Variants in TBC1D9B observed in about 807,000 individuals in gnomAD.
TBC1D9B encodes the protein TBC1 domain family member 9B, also known as TBC1 domain family, member 9B (with GRAM domain).
In TBC1D9B, 87 loss-of-function variants were observed where a neutral mutation model predicts 121.1. The ratio of observed to expected loss-of-function variants is 0.72; its 90% CI spans 0.60 to 0.86. The LOEUF (loss-of-function observed/expected upper bound fraction) is 0.86, where lower values mean the gene tolerates loss of function less well. Among genes scored for constraint, TBC1D9B ranks in the 40% least tolerant of loss-of-function variants. The pLI, the probability that TBC1D9B is intolerant of heterozygous loss-of-function variation, is 0.00. For synonymous variants in TBC1D9B, 668 were observed against 670.1 expected (o/e 1.00, Z 0.05); for missense variants, 1,540 against 1,628.6 (o/e 0.95, Z 0.94).
At chr5:179,873,314 G>A in intron 12 of TBC1D9B, 66 bp from the exon 13 acceptor site, 1 of 1,490,530 alleles carries the variant, frequency 6.7e-7, no homozygotes, top group Non-Finnish European at 8.9e-7. Flanking sequence ...TCCCACAGCT[G>A]GGTGATGCGG....
At position 179,885,140 on chromosome 5, in the gene TBC1D9B, C is replaced by T. The variant is rs1289536705; in HGVS notation, c.1254+2963G>A. Among the ~76,000 whole-genome samples the T allele has an allele frequency of 1.3e-5, 2 of 152,118 alleles. No homozygotes were observed. Among genetic ancestry groups the T allele is most frequent in the African/African-American group, 2.4e-5 (1 of 41,408 alleles). On this transcript the variant is annotated intron_variant, in intron 7 of 20. Coordinates refer to ENST00000355235, the MANE Select transcript of TBC1D9B (RefSeq NM_015043.4). The surrounding 1 kb of genome is among the most constrained non-coding windows in gnomAD (Gnocchi z 4.5). ...CTTGCCACTCTCTAGTCCAGCACTG[C>T]CCAAGAGAGATGATGAGAGCCACAA...
chr5:179,905,937 T>G (rs1446030015), intron 1 of TBC1D9B, among the ~76,000 whole-genome samples: 1 of 152,250 alleles, frequency 6.6e-6, no homozygotes, highest in Admixed American at 6.5e-5. Context: ...TGGAGTGCAA[T>G]GGCGCCATCT....
intron 6 of TBC1D9B, among the ~76,000 whole-genome samples, chr5:179,888,740 G>A (rs1465675085): frequency 6.6e-6 from 1 of 152,198 alleles, no homozygotes. Context: ...GAGGGCACAG[G>A]ACAAGCTTTC....
chr5:179,891,658 T>G lies in TBC1D9B; in HGVS notation c.837-72A>C. On this transcript the variant is annotated intron_variant, in intron 5 of 20. Transcript: ENST00000355235. This position sits in a 1 kb window ranked among gnomAD's most constrained non-coding sequence, Gnocchi z 4.3. ...GACCAGCACACTCTCAAGGAAGCCT[T>G]GGGGCCTCCCCAGGCCTGTTTCCAC... 6.5e-7 allele frequency: 1 copy of G among 1,544,610 alleles called. No homozygotes were observed. The highest frequency in any genetic ancestry group is 8.8e-7 in the Non-Finnish European group (1 of 1,131,832).
At chr5:179,877,158 A>G (rs996984691) in intron 10 of TBC1D9B, among the ~76,000 whole-genome samples, 20 of 138,828 alleles carry the variant, frequency 1.4e-4, no homozygotes, top group Admixed American at 5.0e-4. Flanking sequence ...GCTGAGGCGG[A>G]AAGATCACTT....
rs926294572 is a variant in TBC1D9B at position 179,907,263 on chromosome 5, G to A, written c.118+441C>T. Among the ~76,000 whole-genome samples, 4 of 152,150 alleles carry A rather than the reference G, an allele frequency of 2.6e-5. No individual in the cohort carries two copies. Among genetic ancestry groups the A allele is most frequent in the African/African-American group, 9.6e-5 (4 of 41,452 alleles). ...ACTTTGGTGAGATGGGCACGAAGAA[G>A]AGGGCAAAAGAAAACGTGCGCTGGC... On this transcript the variant is annotated intron_variant, in intron 1 of 20. Transcript: ENST00000355235. The surrounding 1 kb of genome is among the most constrained non-coding windows in gnomAD (Gnocchi z 5.3).
Position 179,875,036 on chromosome 5 carries a change from G to A in TBC1D9B, c.2052C>T (p.Ala684=), listed in dbSNP as rs746473136. 128 of 1,613,980 alleles carry A rather than the reference G, an allele frequency of 7.9e-5. No homozygotes were observed. Among genetic ancestry groups the A allele is most frequent in the Non-Finnish European group, 1.0e-4 (119 of 1,180,046 alleles). Residue 684 remains alanine (A), a synonymous_variant, in exon 12 of 21, where the codon GCC becomes GCT. Transcript: ENST00000355235. The surrounding 1 kb of genome is among the most constrained non-coding windows in gnomAD (Gnocchi z 4.5). The part of the protein sequence containing the change: ...LFLSVMPFES[A]VVIVDCFFYE... ...AGAAAAAGCAGTCGACGATGACCAC[G>A]GCGCTCTCGAAGGGCATGACGCTGA...
chr5:179,862,528 CT>C lies in TBC1D9B; in HGVS notation c.*919del. On this transcript the variant is annotated 3_prime_UTR_variant, in exon 21 of 21. Coordinates refer to ENST00000355235, the MANE Select transcript of TBC1D9B (RefSeq NM_015043.4). ...AGACCTGTGGAGCTCAGGGCATCCC[CT>C]GATGCAGGTTGGTCAGGACCTGCCC... 2.2e-6 allele frequency: 1 copy of C among 455,894 alleles called. No individual in the cohort carries two copies. Among genetic ancestry groups the C allele is most frequent in the South Asian group, 1.5e-5 (1 of 64,568 alleles). 28.2% of individuals were successfully genotyped at this position (455,894 alleles called of 1,614,324 possible).
In TBC1D9B at chr5:179,904,844, A is replaced by G; in HGVS notation, c.119-32T>C. 6.6e-7 allele frequency: 1 copy of G among 1,518,530 alleles called. No individual in the cohort carries two copies. The highest frequency in any genetic ancestry group is 8.9e-7 in the Non-Finnish European group (1 of 1,123,738). 94.1% of individuals were successfully genotyped at this position (1,518,530 alleles called of 1,614,324 possible). On this transcript the variant is annotated intron_variant, in intron 1 of 20. Coordinates refer to ENST00000355235, the MANE Select transcript of TBC1D9B (RefSeq NM_015043.4). This position sits in a 1 kb window ranked among gnomAD's most constrained non-coding sequence, Gnocchi z 4.2. Reference sequence around the variant, plus strand: ...ACAGGGCAGAGAGACATAGAGGGTGAGGGGAGGGCCGGACTGAGGCCCCTG... The same window carrying G: ...ACAGGGCAGAGAGACATAGAGGGTGGGGGGAGGGCCGGACTGAGGCCCCTG...
intron 7 of TBC1D9B, among the ~76,000 whole-genome samples, chr5:179,880,349 G>A (rs550056953): frequency 6.6e-6 from 1 of 152,258 alleles, no homozygotes; most frequent in Non-Finnish European, 1.5e-5. Flanking sequence ...GAGTGATGCT[G>A]TCTTGGCAGA....
chr5:179,867,167 C>A (rs1760036749), intron 18 of TBC1D9B: 1 of 381,410 alleles, frequency 2.6e-6, no homozygotes, highest in Admixed American at 3.9e-5. Context: ...GTATTTGTTT[C>A]CTACTCACAG....
chr5:179,875,877 G>T lies in TBC1D9B; in HGVS notation c.1900+43C>A. On this transcript the variant is annotated intron_variant, in intron 11 of 20. Coordinates refer to ENST00000355235, the MANE Select transcript of TBC1D9B (RefSeq NM_015043.4). This position sits in a 1 kb window ranked among gnomAD's most constrained non-coding sequence, Gnocchi z 4.5. ...GGCTGCCACCCTCATGGAACCAGCA[G>T]GCACCTGGAGACCCAGGCGAGGCAG... 1 of 1,493,360 alleles carries T rather than the reference G, an allele frequency of 6.7e-7. No individual in the cohort carries two copies. Among genetic ancestry groups the T allele is most frequent in the Non-Finnish European group, 9.0e-7 (1 of 1,105,104 alleles). The allele number at this position is 1,493,360 out of a possible 1,614,324, so 92.5% of individuals were successfully genotyped here. A position where few individuals can be genotyped will look rare whatever the true frequency, so the allele number is the denominator to read the frequency against.
intron 7 of TBC1D9B, among the ~76,000 whole-genome samples, chr5:179,881,151 G>A (rs1251426607): frequency 2.0e-5 from 3 of 152,232 alleles, no homozygotes; most frequent in Non-Finnish European, 2.9e-5. Flanking sequence ...GGGACCAGGC[G>A]GCTTTCGGCA....
At position 179,891,323 on chromosome 5, in the gene TBC1D9B, C is replaced by T. The variant is rs778450493; in HGVS notation, c.1044+56G>A. The T allele has an allele frequency of 1.9e-6, 3 of 1,600,772 alleles. No individual in the cohort carries two copies. Among genetic ancestry groups the T allele is most frequent in the Non-Finnish European group, 1.7e-6 (2 of 1,169,270 alleles). ...AGAGCAGGACAGGCTGGTCCCTGAG[C>T]CCACTGACACCTCGGGGCTGGAAAG... is the stretch of plus-strand genomic sequence containing the variant. On this transcript the variant is annotated intron_variant, in intron 6 of 20. Transcript: ENST00000355235. The surrounding 1 kb of genome is among the most constrained non-coding windows in gnomAD (Gnocchi z 4.3).
In TBC1D9B at chr5:179,907,682, C is replaced by A; in HGVS notation, c.118+22G>T. 1.5e-5 allele frequency: 16 copies of A among 1,063,522 alleles called. No individual in the cohort carries two copies. The highest frequency in any genetic ancestry group is 1.8e-5 in the Non-Finnish European group (16 of 869,258). The allele number at this position is 1,063,522 out of a possible 1,614,324, so 65.9% of individuals were successfully genotyped here. A position where few individuals can be genotyped will look rare whatever the true frequency, so the allele number is the denominator to read the frequency against. On this transcript the variant is annotated intron_variant, in intron 1 of 20. Coordinates refer to ENST00000355235, the MANE Select transcript of TBC1D9B (RefSeq NM_015043.4). The surrounding 1 kb of genome is among the most constrained non-coding windows in gnomAD (Gnocchi z 5.3). ...AGCCCAGCCGCGGCGCCCACAGGCC[C>A]GGCCGCCCGCGCGCCTCTCACCCGT...
Position 179,878,439 on chromosome 5 carries a change from T to C in TBC1D9B, c.1652A>G (p.Glu551Gly), listed in dbSNP as rs1431311996. 1.2e-6 allele frequency: 2 copies of C among 1,613,224 alleles called. No individual in the cohort carries two copies. Among genetic ancestry groups the C allele is most frequent in the Non-Finnish European group, 1.7e-6 (2 of 1,179,680 alleles). The change falls in exon 10 of 21, where the codon GAG (glutamate) becomes GGG (glycine). Residue 551 changes from glutamate (E) to glycine (G), a missense_variant. Physicochemically the swap from Glu to Gly is moderately conservative, Grantham distance 98. Transcript: ENST00000355235. ...KSTGKYSLAT[E>G]EIERDLHRSM... ...GCGGTGCAGGTCTCGCTCGATCTCC[T>C]CTGTGGCCAGGCTGTACTTCCCGGT...
intron 6 of TBC1D9B, among the ~76,000 whole-genome samples, chr5:179,888,933 C>T (rs553192915): frequency 2.0e-5 from 3 of 151,998 alleles, no homozygotes; most frequent in African/African-American, 4.8e-5. Flanking sequence ...GGTGGGGGCA[C>T]AGCAGTCACC....
chr5:179,889,871 CAAAAAAA>C (rs397883158), intron 6 of TBC1D9B, among the ~76,000 whole-genome samples: 1 of 48,926 alleles, frequency 2.0e-5, no homozygotes, highest in Non-Finnish European at 3.5e-5. Flanking sequence ...GACCCTGTCT[CAAAAAAA>C]AAAAAAAAAA....
chr5:179,885,958 C>T lies in TBC1D9B; in HGVS notation c.1254+2145G>A, dbSNP rs2113629114. ...TCCTACACCTGGTCAGTCTCCTAAG[C>T]CCTGGTCCCAGAAGCCCGTGCCACA... On this transcript the variant is annotated intron_variant, in intron 7 of 20. Transcript: ENST00000355235. This position sits in a 1 kb window ranked among gnomAD's most constrained non-coding sequence, Gnocchi z 4.5. Among the ~76,000 whole-genome samples, 1 of 152,336 alleles carries T rather than the reference C, an allele frequency of 6.6e-6. No individual in the cohort carries two copies. Among genetic ancestry groups the T allele is most frequent in the South Asian group, 2.1e-4 (1 of 4,826 alleles).
Sources: allele counts gnomAD v4.1 joint callset (sites outside exome capture counted in the v4.1 genomes callset), GRCh38; gene constraint gnomAD v4.1.1; non-coding constraint Gnocchi (gnomAD v3.1); transcripts MANE v1.5; gene names NCBI Gene and HGNC (gene_info 2026-07-23, HGNC 2026-07-21).